EXT1: variants seen among roughly 807,000 people sequenced by gnomAD.
EXT1 encodes exostosin glycosyltransferase 1.
A neutral mutation model predicts 82.5 loss-of-function variants in EXT1; 20 were observed. That is an observed-to-expected ratio of 0.24 (90% CI 0.17 to 0.35). The LOEUF (loss-of-function observed/expected upper bound fraction) is 0.35, where lower values mean the gene tolerates loss of function less well. EXT1 is among the 10% of genes least tolerant of loss of function. The probability of loss-of-function intolerance (pLI) is 1.00; values close to 1 mark genes in which losing one functional copy is unlikely to be tolerated. For missense variants in EXT1, 757 were observed against 936.5 expected, an observed-to-expected ratio of 0.81 and a Z score of 2.50; for synonymous variants, 348 against 350.8, an observed-to-expected ratio of 0.99 and a Z score of 0.09.
At chr8:117,930,501 C>T (rs1554586909) in intron 1 of EXT1, among the ~76,000 whole-genome samples, 1 of 152,128 alleles carries the variant, frequency 6.6e-6, no homozygotes, top group Non-Finnish European at 1.5e-5. Flanking sequence ...CTGGTCAACC[C>T]CCATCCCCAA....
At chr8:118,083,615 T>C (rs993167674) in intron 1 of EXT1, among the ~76,000 whole-genome samples, 2 of 152,200 alleles carry the variant, frequency 1.3e-5, no homozygotes, top group Non-Finnish European at 2.9e-5. Flanking sequence ...CGCCACACCC[T>C]TTCTGGTGTT....
intron 1 of EXT1, among the ~76,000 whole-genome samples, chr8:117,888,852 T>C (rs1438530191): frequency 2.0e-5 from 3 of 152,240 alleles, no homozygotes; most frequent in Non-Finnish European, 4.4e-5. Context: ...TTAACTATTA[T>C]AGTAAGTAAT....
At chr8:117,804,671 G>A (rs764149151) in intron 10 of EXT1, 51 bp downstream of exon 10, 15 of 1,604,922 alleles carry the variant, frequency 9.3e-6, no homozygotes, top group African/African-American at 1.3e-5. Flanking sequence ...CATTACCTGG[G>A]GCTGAACCAC....
chr8:118,036,821 T>A (rs1484960067), intron 1 of EXT1, among the ~76,000 whole-genome samples: 1 of 152,166 alleles, frequency 6.6e-6, no homozygotes, highest in African/African-American at 2.4e-5. Context: ...TCCATTGTTC[T>A]TTTGAGCCTC....
chr8:118,110,197 A>G lies in EXT1; in HGVS notation c.850T>C (p.Tyr284His), dbSNP rs1302336455. 1 of 1,614,188 alleles carries G rather than the reference A, an allele frequency of 6.2e-7. No individual in the cohort carries two copies. Among genetic ancestry groups the G allele is most frequent in the East Asian group, 2.2e-5 (1 of 44,878 alleles). The change falls in exon 1 of 11, where the codon TAT becomes CAT. Residue 284 changes from tyrosine to histidine, a missense_variant. Physicochemically the swap from Tyr to His is moderately conservative, Grantham distance 83 (BLOSUM62 2). Coordinates refer to ENST00000378204, the MANE Select transcript of EXT1 (RefSeq NM_000127.3). Reference sequence around the variant, plus strand: ...ACGTCCTCCCCGTTATGGACGTGATATAAGGCATTCCTGGTGTCTGATCCT... The same window carrying G: ...ACGTCCTCCCCGTTATGGACGTGATGTAAGGCATTCCTGGTGTCTGATCCT... ...GIGSDTRNALYHVHNGEDVVL... is the reference protein window; with the variant it reads ...GIGSDTRNALHHVHNGEDVVL...
chr8:117,812,191 T>C (rs930966123), intron 8 of EXT1, among the ~76,000 whole-genome samples: 2 of 152,250 alleles, frequency 1.3e-5, no homozygotes, highest in Non-Finnish European at 2.9e-5. Flanking sequence ...TTTGGTCCTC[T>C]GCATGGTTTA....
At chr8:118,043,282 T>C (rs1439960785) in intron 1 of EXT1, among the ~76,000 whole-genome samples, 1 of 152,262 alleles carries the variant, frequency 6.6e-6, no homozygotes, top group Non-Finnish European at 1.5e-5. Context: ...TGTATGCCAC[T>C]GCCTTGGCGA....
chr8:117,890,545 T>C (rs1049650909), intron 1 of EXT1, among the ~76,000 whole-genome samples: 2 of 152,290 alleles, frequency 1.3e-5, no homozygotes, highest in South Asian at 2.1e-4. Context: ...GGCAGGGCAA[T>C]GTTGACTTTC....
chr8:118,080,776 T>C (rs182456001), intron 1 of EXT1, among the ~76,000 whole-genome samples: 29 of 152,156 alleles, frequency 1.9e-4, no homozygotes, highest in Middle Eastern at 6.8e-3. Flanking sequence ...GTGGAGCAAG[T>C]GTTGGCCCTC....
intron 1 of EXT1, among the ~76,000 whole-genome samples, chr8:118,034,222 C>T (rs190784615): frequency 4.6e-5 from 7 of 152,158 alleles, no homozygotes; most frequent in African/African-American, 1.4e-4. Context: ...TGGAAGTGAC[C>T]TACTTTAATT....
At chr8:118,045,005 A>G (rs987129997) in intron 1 of EXT1, among the ~76,000 whole-genome samples, 3 of 152,254 alleles carry the variant, frequency 2.0e-5, no homozygotes, top group Non-Finnish European at 2.9e-5. Context: ...TCGATACTAT[A>G]TAAGCAAAGA....
At chr8:118,039,256 C>T (rs939002047) in intron 1 of EXT1, among the ~76,000 whole-genome samples, 1 of 151,970 alleles carries the variant, frequency 6.6e-6, no homozygotes. Context: ...AAGGTTAAAC[C>T]TCTATTCTAT....
At chr8:117,885,566 T>G (rs1193917133) in intron 1 of EXT1, among the ~76,000 whole-genome samples, 1 of 150,936 alleles carries the variant, frequency 6.6e-6, no homozygotes, top group Admixed American at 6.6e-5. Flanking sequence ...AAGACACATG[T>G]CAGTGCCTCC....
intron 1 of EXT1, among the ~76,000 whole-genome samples, chr8:118,007,023 C>T (rs772800269): frequency 2.0e-5 from 3 of 152,178 alleles, no homozygotes; most frequent in Admixed American, 6.5e-5. Context: ...GCTGGCCGGG[C>T]GCGGTGGCTC....
intron 4 of EXT1, among the ~76,000 whole-genome samples, chr8:117,823,360 G>C (rs150065514): frequency 2.0e-5 from 3 of 152,120 alleles, no homozygotes; most frequent in Non-Finnish European, 4.4e-5. Context: ...CGAATCATTT[G>C]TCAGTTGAAT....
chr8:117,914,814 C>T (rs574311241), intron 1 of EXT1, among the ~76,000 whole-genome samples: 78 of 152,314 alleles, frequency 5.1e-4, no homozygotes, highest in African/African-American at 1.8e-3. Flanking sequence ...ACAATACGTG[C>T]ACCGCTGAAC....
In EXT1 at chr8:118,042,371, G is replaced by A. The variant is rs558799849; in HGVS notation, c.962+67714C>T. Among the ~76,000 whole-genome samples, 5 of 152,272 alleles carry A rather than the reference G, an allele frequency of 3.3e-5. 1 individual carries two copies. Among genetic ancestry groups the A allele is most frequent in the African/African-American group, 1.2e-4 (5 of 41,554 alleles). The stretch of plus-strand genomic sequence containing the variant: ...TGCAGTGGTGCCATCTCAGCTCACT[G>A]TAACCTCCGCCTCCTGATTTCAAGT... On this transcript the variant is annotated intron_variant, in intron 1 of 10. Coordinates refer to ENST00000378204, the MANE Select transcript of EXT1 (RefSeq NM_000127.3).
chr8:118,022,326 C>CTTTTTTTTT lies in EXT1; in HGVS notation c.962+87750_962+87758dup, dbSNP rs71307420. ...ATACTTGGCCGGGCGCATATATATTCTTTTTTTTTTTTTTTTTTTTTTTTT... is the reference window on the plus strand; with the variant it reads ...ATACTTGGCCGGGCGCATATATATTCTTTTTTTTTTTTTTTTTTTTTTTTTTTTTTTTTT... On this transcript the variant is annotated intron_variant, in intron 1 of 10. Transcript: ENST00000378204. Among the ~76,000 whole-genome samples the CTTTTTTTTT allele has an allele frequency of 3.0e-4, 14 of 46,198 alleles. 2 individuals carry two copies. Among genetic ancestry groups the CTTTTTTTTT allele is most frequent in the Admixed American group, 7.2e-4 (2 of 2,788 alleles). 30.3% of individuals were successfully genotyped at this position (46,198 alleles called of 152,430 possible). A position where few individuals can be genotyped will look rare whatever the true frequency, so the allele number is the denominator to read the frequency against.
intron 1 of EXT1, among the ~76,000 whole-genome samples, chr8:117,994,397 A>C (rs1403494359): frequency 6.6e-6 from 1 of 152,184 alleles, no homozygotes; most frequent in Non-Finnish European, 1.5e-5. Flanking sequence ...GGATCACTTG[A>C]GTCTAGGAGT....
Sources: gnomAD v4.1 joint callset for allele counts (sites outside exome capture counted in the v4.1 genomes callset) on GRCh38, gnomAD v4.1.1 for gene constraint, MANE v1.5 for transcripts, NCBI Gene and HGNC (gene_info 2026-07-23, HGNC 2026-07-21) for gene names.